IKBKE: variants seen among roughly 807,000 people sequenced by gnomAD.
IKBKE encodes inhibitor of nuclear factor kappa-B kinase subunit epsilon.
IKBKE carries 45 observed loss-of-function variants against 92.1 expected under a neutral mutation model. The ratio of observed to expected loss-of-function variants is 0.49; its 90% CI spans 0.38 to 0.63. IKBKE has a LOEUF of 0.63. Ranked by LOEUF, IKBKE falls within the 20% of genes least tolerant of loss-of-function variation. The pLI is 0.00. For synonymous variants in IKBKE, 374 were observed against 380.3 expected, an observed-to-expected ratio of 0.98 and a Z score of 0.19; for missense variants, 700 against 932.8, an observed-to-expected ratio of 0.75 and a Z score of 3.25.
chr1:206,476,658 A>T lies in IKBKE; in HGVS notation c.541-20A>T, dbSNP rs782628855. 2 of 1,613,950 alleles carry T rather than the reference A, an allele frequency of 1.2e-6. No individual in the cohort carries two copies. Among genetic ancestry groups the T allele is most frequent in the Non-Finnish European group, 1.7e-6 (2 of 1,179,978 alleles). ...GCCAGCCCTCCGGCTCCATGGCCTC[A>T]TTCTGGTTCTCTCCGGCAGCATCCC... On this transcript the variant is annotated intron_variant, in intron 6 of 21. Coordinates refer to ENST00000581977, the MANE Select transcript of IKBKE (RefSeq NM_014002.4). The surrounding 1 kb of genome is among the most constrained non-coding windows in gnomAD (Gnocchi z 5.1).
At chr1:206,477,073 C>A (rs569333393) in intron 7 of IKBKE, among the ~76,000 whole-genome samples, 1 of 152,232 alleles carries the variant, frequency 6.6e-6, no homozygotes, top group Admixed American at 6.5e-5. Context: ...CGGTGCTTCA[C>A]TCTAGCCCTC....
rs1342255969 is a variant in IKBKE at position 206,490,972 on chromosome 1, T to C, written c.1733+114T>C. 2.4e-5 allele frequency: 23 copies of C among 976,238 alleles called. No homozygotes were observed. The African/African-American group carries it at 3.7e-4, about 16-fold the overall frequency. 60.5% of individuals were successfully genotyped at this position (976,238 alleles called of 1,614,324 possible). A position where few individuals can be genotyped will look rare whatever the true frequency, so the allele number is the denominator to read the frequency against. On this transcript the variant is annotated intron_variant, in intron 17 of 21. Coordinates refer to ENST00000581977, the MANE Select transcript of IKBKE (RefSeq NM_014002.4). The surrounding 1 kb of genome is among the most constrained non-coding windows in gnomAD (Gnocchi z 5.2). ...GAAGGGCCCTGTCCCGGACTGCAGCTGAGCAGAGTTGGGGATAACAGGTTA... is the reference window on the plus strand; with the variant it reads ...GAAGGGCCCTGTCCCGGACTGCAGCCGAGCAGAGTTGGGGATAACAGGTTA...
At chr1:206,492,766 C>T (rs532337955) in intron 18 of IKBKE, 2 of 622,776 alleles carry the variant, frequency 3.2e-6, no homozygotes, top group East Asian at 3.4e-5. Context: ...TCACCCAGCC[C>T]CAGCCACATG....
In IKBKE at chr1:206,478,838, AGCCCTGTCTATGG is replaced by A. The variant is rs1665211139; in HGVS notation, c.993-102_993-90del. On this transcript the variant is annotated intron_variant, in intron 9 of 21. Coordinates refer to ENST00000581977, the MANE Select transcript of IKBKE (RefSeq NM_014002.4). This position sits in a 1 kb window ranked among gnomAD's most constrained non-coding sequence, Gnocchi z 4.8. ...CCCCGTCCCTCCCTCTGCAAAACAG[AGCCCTGTCTATGG>A]GCAACGCTTAGCTGGGGCTTAGGTC... The A allele has an allele frequency of 1.1e-6, 1 of 877,428 alleles. No individual in the cohort carries two copies. Among genetic ancestry groups the A allele is most frequent in the African/African-American group, 1.6e-5 (1 of 60,950 alleles). The allele number at this position is 877,428 out of a possible 1,614,324, so 54.4% of individuals were successfully genotyped here. A position where few individuals can be genotyped will look rare whatever the true frequency, so the allele number is the denominator to read the frequency against.
Position 206,493,344 on chromosome 1 carries a change from T to C in IKBKE, c.2011T>C (p.Tyr671His). The C allele has an allele frequency of 6.2e-7, 1 of 1,613,590 alleles. No individual in the cohort carries two copies. ...GGCCTCGCCGCCTCCCATAGCTCCTTACCCCAGCCCTACACGAAAGGACCT... is the reference window on the plus strand; with the variant it reads ...GGCCTCGCCGCCTCCCATAGCTCCTCACCCCAGCCCTACACGAAAGGACCT... ...AQASPPPIAP[Y>H]PSPTRKDLLL... is the part of the protein sequence containing the mutation. Residue 671 changes from tyrosine to histidine, a missense_variant, in exon 20 of 22, where the codon TAC (tyrosine) becomes CAC (histidine). By Grantham distance (83) the Tyr-to-His change is moderately conservative. Coordinates refer to ENST00000581977, the MANE Select transcript of IKBKE (RefSeq NM_014002.4).
intron 3 of IKBKE, 45 bp downstream of exon 3, chr1:206,473,359 C>T (rs1553384323): frequency 7.0e-7 from 1 of 1,421,638 alleles, no homozygotes; most frequent in Non-Finnish European, 9.7e-7. Flanking sequence ...CAGCCTTGGC[C>T]CCCTCATGCC....
chr1:206,480,084 G>A lies in IKBKE; in HGVS notation c.1311G>A (p.Glu437=). Reference sequence around the variant, plus strand: ...CACGGGCCCTGCTGGATGGGCAGGAGCTAATGTTTCGGGGGCTGCACTGGG... The same window carrying A: ...CACGGGCCCTGCTGGATGGGCAGGAACTAATGTTTCGGGGGCTGCACTGGG... ...RLARALLDGQ[E]LMFRGLHWVM... Residue 437 remains glutamate (E), a synonymous_variant, in exon 12 of 22, where the codon GAG becomes GAA. Coordinates refer to ENST00000581977, the MANE Select transcript of IKBKE (RefSeq NM_014002.4). The A allele has an allele frequency of 6.3e-7, 1 of 1,594,814 alleles. No individual in the cohort carries two copies. The highest frequency in any genetic ancestry group is 1.1e-5 in the South Asian group (1 of 88,852).
At position 206,485,351 on chromosome 1, in the gene IKBKE, G is replaced by T; in HGVS notation, c.1616+45G>T. 1 of 1,181,450 alleles carries T rather than the reference G, an allele frequency of 8.5e-7. No homozygotes were observed. The highest frequency in any genetic ancestry group is 2.3e-5 in the East Asian group (1 of 42,586). 73.2% of individuals were successfully genotyped at this position (1,181,450 alleles called of 1,614,324 possible). On this transcript the variant is annotated intron_variant, in intron 15 of 21. Coordinates refer to ENST00000581977, the MANE Select transcript of IKBKE (RefSeq NM_014002.4). The surrounding 1 kb of genome is among the most constrained non-coding windows in gnomAD (Gnocchi z 5.0). ...TTTGTGGGGTGGGAGTGGGGGAGTG[G>T]GCAGCTCCAAAGGTCCAGTAACCTT... is the stretch of plus-strand genomic sequence containing the variant.
chr1:206,474,570 T>C (rs1664954313), intron 4 of IKBKE, 99 bp downstream of exon 4: 1 of 1,270,630 alleles, frequency 7.9e-7, no homozygotes, highest in Admixed American at 2.4e-5. Context: ...CCCATGCTCA[T>C]CAGCAGGTCA....
At chr1:206,477,683 T>G (rs1367512155) in intron 7 of IKBKE, 66 bp from the exon 8 acceptor site, 1 of 955,792 alleles carries the variant, frequency 1.0e-6, no homozygotes, top group Non-Finnish European at 1.6e-6. Flanking sequence ...CCCTTTGTGC[T>G]GAGTGTGTCG....
intron 13 of IKBKE, among the ~76,000 whole-genome samples, chr1:206,483,635 T>A (rs190701793): frequency 6.6e-6 from 1 of 152,216 alleles, no homozygotes; most frequent in Non-Finnish European, 1.5e-5. Context: ...CTAAAATGTA[T>A]ATACTAATGG....
At chr1:206,474,723 G>C in intron 4 of IKBKE, 142 bp from the exon 5 acceptor site, 1 of 991,882 alleles carries the variant, frequency 1.0e-6, no homozygotes, top group Non-Finnish European at 1.5e-6. Flanking sequence ...TGCGGGATCA[G>C]TGTGAGGCCA....
intron 13 of IKBKE, among the ~76,000 whole-genome samples, chr1:206,483,503 C>T (rs566953934): frequency 5.9e-5 from 9 of 152,356 alleles, no homozygotes; most frequent in African/African-American, 1.9e-4. Flanking sequence ...GACGGCACCC[C>T]TGTCTTCAAG....
Position 206,474,911 on chromosome 1 carries a change from G to A in IKBKE, c.275G>A (p.Gly92Glu), listed in dbSNP as rs1174339324. The A allele has an allele frequency of 6.2e-7, 1 of 1,613,962 alleles. No individual in the cohort carries two copies. The highest frequency in any genetic ancestry group is 8.5e-7 in the Non-Finnish European group (1 of 1,179,982). Residue 92 changes from glycine (G) to glutamate (E), a missense_variant, in exon 5 of 22, where the codon GGG (glycine) becomes GAG (glutamate). Physicochemically the swap from Gly to Glu is moderately conservative, Grantham distance 98 (BLOSUM62 -2). Coordinates refer to ENST00000581977, the MANE Select transcript of IKBKE (RefSeq NM_014002.4). ...CTGGTGATGGAGTACTGCTCCAGTG[G>A]GAGCCTGCTGAGTGTGCTGGAGAGC... Reference protein sequence around the residue: ...KVLVMEYCSSGSLLSVLESPE... With the variant: ...KVLVMEYCSSESLLSVLESPE...
Position 206,490,103 on chromosome 1 carries a change from G to A in IKBKE, c.1694-716G>A, listed in dbSNP as rs1375355631. On this transcript the variant is annotated intron_variant, in intron 16 of 21. Transcript: ENST00000581977. The surrounding 1 kb of genome is among the most constrained non-coding windows in gnomAD (Gnocchi z 5.2). ...GGCTGAGGTTTGTCCCAGGTCTCTC[G>A]GACTGCACACATGCTCTTAGCTGGC... 6.6e-6 allele frequency among the ~76,000 whole-genome samples: 1 copy of A among 152,122 alleles called. No individual in the cohort carries two copies. The highest frequency in any genetic ancestry group is 1.5e-5 in the Non-Finnish European group (1 of 68,012).
At chr1:206,477,065 G>C (rs1187719413) in intron 7 of IKBKE, among the ~76,000 whole-genome samples, 1 of 152,210 alleles carries the variant, frequency 6.6e-6, no homozygotes, top group African/African-American at 2.4e-5. Flanking sequence ...TGTTAGTTCG[G>C]TGCTTCACTC....
chr1:206,492,652 G>A (rs1553390796), intron 18 of IKBKE: 15 of 489,796 alleles, frequency 3.1e-5, no homozygotes, highest in South Asian at 2.2e-4. Flanking sequence ...ATTCACACTG[G>A]AAATGAGAGC....
In IKBKE at chr1:206,487,897, C is replaced by T. The variant is rs2103477072; in HGVS notation, c.1617-17C>T. 1 of 1,609,672 alleles carries T rather than the reference C, an allele frequency of 6.2e-7. No homozygotes were observed. Among genetic ancestry groups the T allele is most frequent in the Non-Finnish European group, 8.5e-7 (1 of 1,176,768 alleles). On this transcript the variant is annotated splice_polypyrimidine_tract_variant and intron_variant, in intron 15 of 21. Coordinates refer to ENST00000581977, the MANE Select transcript of IKBKE (RefSeq NM_014002.4). This position sits in a 1 kb window ranked among gnomAD's most constrained non-coding sequence, Gnocchi z 5.3. ...ATTAGATTCTTCCAACACCTGGTCC[C>T]TGTCTCCTGCCCACAGCATCCAGCA...
chr1:206,492,343 A>T (rs373186052), intron 18 of IKBKE: 8 of 421,508 alleles, frequency 1.9e-5, no homozygotes, highest in East Asian at 1.4e-4. Flanking sequence ...CTGAGAAGAG[A>T]GGACAATTTC....
Sources: allele counts gnomAD v4.1 joint callset (sites outside exome capture counted in the v4.1 genomes callset), GRCh38; gene constraint gnomAD v4.1.1; non-coding constraint Gnocchi (gnomAD v3.1); transcripts MANE v1.5; gene names NCBI Gene and HGNC (gene_info 2026-07-23, HGNC 2026-07-21).